SLC38A6: variants seen among roughly 807,000 people sequenced by gnomAD.
SLC38A6 encodes the protein N system amino acid transporter NAT-1.
Under a neutral mutation model 65.0 loss-of-function variants are expected in SLC38A6, and 73 were observed. That is an observed-to-expected ratio of 1.12 (90% CI 0.93 to 1.37). The LOEUF is 1.37. SLC38A6 is among the 40% of genes most tolerant of loss of function. The pLI, the probability that SLC38A6 is intolerant of heterozygous loss-of-function variation, is 0.00. For missense variants in SLC38A6, 561 were observed against 531.1 expected (o/e 1.06, Z -0.55); for synonymous variants, 183 against 178.8 (o/e 1.02, Z -0.19).
At chr14:60,981,984 C>T (rs879629811) in intron 1 of SLC38A6, among the ~76,000 whole-genome samples, 1 of 152,054 alleles carries the variant, frequency 6.6e-6, no homozygotes, top group African/African-American at 2.4e-5. Flanking sequence ...GGGATACTGC[C>T]AGAACAACGT....
intron 3 of SLC38A6, among the ~76,000 whole-genome samples, chr14:61,007,199 G>A (rs946134757): frequency 3.3e-5 from 5 of 152,124 alleles, no homozygotes; most frequent in African/African-American, 1.2e-4. Flanking sequence ...GAGAGGGATA[G>A]CATTAGGAGA....
chr14:60,981,833 G>C lies in SLC38A6; in HGVS notation c.105+451G>C, dbSNP rs540211363. 6.4e-4 allele frequency: 585 copies of C among 907,438 alleles called. 9 individuals carry two copies. The South Asian group carries it at 8.3e-3, about 13-fold the overall frequency. 56.2% of individuals were successfully genotyped at this position (907,438 alleles called of 1,614,324 possible). On this transcript the variant is annotated intron_variant, in intron 1 of 15. Coordinates refer to ENST00000267488, the MANE Select transcript of SLC38A6 (RefSeq NM_153811.3). Reference sequence around the variant, plus strand: ...TACAGAAATTCTTAGCGGTAGAATGGAAGTGGCTTGGTAGTAAGTGCATAG... The same window carrying C: ...TACAGAAATTCTTAGCGGTAGAATGCAAGTGGCTTGGTAGTAAGTGCATAG...
intron 3 of SLC38A6, among the ~76,000 whole-genome samples, chr14:60,991,455 CAG>C (rs2037879809): frequency 6.6e-6 from 1 of 152,086 alleles, no homozygotes; most frequent in Non-Finnish European, 1.5e-5. Context: ...AACTGTGGCA[CAG>C]AGAGGTTAAA....
At chr14:61,071,771 T>C (rs963498646) in intron 15 of SLC38A6, among the ~76,000 whole-genome samples, 2 of 152,222 alleles carry the variant, frequency 1.3e-5, no homozygotes, top group African/African-American at 4.8e-5. Context: ...TGTTGTTATT[T>C]AGCTTTTCAC....
At chr14:61,075,592 G>A (rs924924094) in intron 15 of SLC38A6, among the ~76,000 whole-genome samples, 1 of 152,102 alleles carries the variant, frequency 6.6e-6, no homozygotes, top group African/African-American at 2.4e-5. Flanking sequence ...GTCATCAATT[G>A]TACCTGTAGG....
At chr14:61,030,197 C>T (rs528424414) in intron 5 of SLC38A6, among the ~76,000 whole-genome samples, 8 of 151,812 alleles carry the variant, frequency 5.3e-5, no homozygotes, top group African/African-American at 1.7e-4. Context: ...TTGCTTTGGA[C>T]TTGAAATGTA....
chr14:61,060,809 G>A (rs1432430162), intron 15 of SLC38A6, among the ~76,000 whole-genome samples: 3 of 70,444 alleles, frequency 4.3e-5, no homozygotes, highest in African/African-American at 1.8e-4. Context: ...GCCAGGTGTG[G>A]GATATAGTCT....
At chr14:61,062,533 C>T (rs1210397490) in intron 15 of SLC38A6, among the ~76,000 whole-genome samples, 2 of 151,714 alleles carry the variant, frequency 1.3e-5, no homozygotes, top group East Asian at 1.9e-4. Flanking sequence ...TGCTATGTTG[C>T]CCCGACTGGA....
chr14:61,072,742 G>A (rs1354495073), intron 15 of SLC38A6, among the ~76,000 whole-genome samples: 1 of 152,166 alleles, frequency 6.6e-6, no homozygotes, highest in Admixed American at 6.5e-5. Flanking sequence ...GCACTCCATT[G>A]TGTATATGTT....
At chr14:61,063,910 A>G (rs1177926345) in intron 15 of SLC38A6, among the ~76,000 whole-genome samples, 1 of 152,208 alleles carries the variant, frequency 6.6e-6, no homozygotes, top group Non-Finnish European at 1.5e-5. Flanking sequence ...TTAGGTGCAG[A>G]CCAAAACAGA....
chr14:61,053,347 C>A (rs1469809978), downstream of SLC38A6, among the ~76,000 whole-genome samples: 1 of 151,994 alleles, frequency 6.6e-6, no homozygotes, highest in Non-Finnish European at 1.5e-5. Flanking sequence ...CTACAGTGAA[C>A]ATTTACGTGC....
intron 15 of SLC38A6, among the ~76,000 whole-genome samples, chr14:61,061,279 A>G (rs1402900722): frequency 4.6e-5 from 7 of 152,242 alleles, no homozygotes; most frequent in African/African-American, 1.4e-4. Context: ...TGCATCCCGT[A>G]TAAGTGTACT....
At chr14:60,981,662 G>A (rs1281192763) in intron 1 of SLC38A6, 1 of 1,421,900 alleles carries the variant, frequency 7.0e-7, no homozygotes, top group South Asian at 1.2e-5. Context: ...TGGGATGAGC[G>A]GCCCTAGGAT....
At chr14:61,035,177 C>T (rs963704986) in intron 6 of SLC38A6, among the ~76,000 whole-genome samples, 3 of 151,910 alleles carry the variant, frequency 2.0e-5, no homozygotes, top group Non-Finnish European at 2.9e-5. Context: ...TACTATTGTG[C>T]GTGTGTATGT....
intron 6 of SLC38A6, among the ~76,000 whole-genome samples, chr14:61,031,977 T>G (rs190893873): frequency 4.5e-4 from 68 of 152,044 alleles, no homozygotes; most frequent in African/African-American, 1.5e-3. Flanking sequence ...CAATATTGCC[T>G]TCTCAATAAA....
chr14:61,063,379 A>C (rs1275731515), intron 15 of SLC38A6, among the ~76,000 whole-genome samples: 1 of 152,234 alleles, frequency 6.6e-6, no homozygotes, highest in Admixed American at 6.5e-5. Context: ...TCACTAAAAC[A>C]GGCAACATTC....
chr14:61,024,881 TA>T (rs2139616892), intron 5 of SLC38A6, among the ~76,000 whole-genome samples: 1 of 152,304 alleles, frequency 6.6e-6, no homozygotes, highest in South Asian at 2.1e-4. Context: ...GAGTAGCTCC[TA>T]GGGGGATGTT....
At chr14:61,034,598 AT>A (rs1369482012) in intron 6 of SLC38A6, among the ~76,000 whole-genome samples, 1 of 152,174 alleles carries the variant, frequency 6.6e-6, no homozygotes, top group Non-Finnish European at 1.5e-5. Context: ...AGCTTCAGAA[AT>A]TTGGTTGCCA....
chr14:61,002,351 A>C (rs1262052270), intron 3 of SLC38A6: 1 of 152,208 alleles, frequency 6.6e-6, no homozygotes, highest in Non-Finnish European at 1.5e-5. Context: ...AAAAAAGATC[A>C]GAGGAAAATG....
Sources: allele counts gnomAD v4.1 joint callset (sites outside exome capture counted in the v4.1 genomes callset), GRCh38; gene constraint gnomAD v4.1.1; transcripts MANE v1.5; gene names NCBI Gene and HGNC (gene_info 2026-07-23, HGNC 2026-07-21).